The following CCNB1IP1 variants were observed in gnomAD, a reference collection of about 807,000 sequenced individuals.
CCNB1IP1 encodes E3 ubiquitin-protein ligase CCNB1IP1.
A neutral mutation model predicts 25.6 loss-of-function variants in CCNB1IP1; 14 were observed. The ratio of observed to expected loss-of-function variants is 0.55; its 90% CI spans 0.36 to 0.85. The LOEUF (loss-of-function observed/expected upper bound fraction) is 0.85. CCNB1IP1 is among the 40% of genes least tolerant of loss of function. CCNB1IP1 has a pLI of 0.01. For missense variants in CCNB1IP1, 278 were observed against 342.4 expected (o/e 0.81, Z 1.48); for synonymous variants, 119 against 116.1 (o/e 1.02, Z -0.16).
At chr14:20,324,869 G>A (rs983332863) in intron 4 of CCNB1IP1, among the ~76,000 whole-genome samples, 6 of 152,014 alleles carry the variant, frequency 3.9e-5, no homozygotes, top group African/African-American at 1.4e-4. Context: ...CACCCAGGCT[G>A]GAGTATAGTT....
At chr14:20,328,234 T>G (rs1474564206) in intron 2 of CCNB1IP1, among the ~76,000 whole-genome samples, 1 of 152,182 alleles carries the variant, frequency 6.6e-6, no homozygotes, top group Non-Finnish European at 1.5e-5. Flanking sequence ...GGATTTAAAT[T>G]CAATTCCATC....
chr14:20,315,691 A>G (rs1019599001), intron 5 of CCNB1IP1: 2 of 1,227,808 alleles, frequency 1.6e-6, no homozygotes, highest in African/African-American at 3.1e-5. Context: ...TAGCATTTTA[A>G]TAACTTGGAA....
In CCNB1IP1 at chr14:20,314,857, A is replaced by C. The variant is rs528670309; in HGVS notation, c.298-1056T>G. Among the ~76,000 whole-genome samples, 45 of 151,810 alleles carry C rather than the reference A, an allele frequency of 3.0e-4. 1 individual carries two copies. In the East Asian group the frequency reaches 7.7e-3, roughly 26 times the overall value. On this transcript the variant is annotated intron_variant, in intron 5 of 6. Coordinates refer to ENST00000358932, the MANE Select transcript of CCNB1IP1 (RefSeq NM_021178.5). The stretch of plus-strand genomic sequence containing the variant: ...CTGTAATCCCAGCACTTTGGGAGGC[A>C]GAGGTGGGCGGATCATGAGGTCAGG...
At chr14:20,311,947 G>C (rs1306854365) in intron 6 of CCNB1IP1, among the ~76,000 whole-genome samples, 195 bp from the exon 7 acceptor site, 1 of 151,882 alleles carries the variant, frequency 6.6e-6, no homozygotes, top group African/African-American at 2.4e-5. Flanking sequence ...AAACATTCTA[G>C]AAAAAATATA....
chr14:20,319,186 T>C (rs1882814202), intron 4 of CCNB1IP1: 1 of 152,210 alleles, frequency 6.6e-6, no homozygotes, highest in Non-Finnish European at 1.5e-5. Context: ...CAAACCATAA[T>C]ATCAAATCTT....
Position 20,313,808 on chromosome 14 carries a change from C to G in CCNB1IP1, c.298-7G>C. On this transcript the variant is annotated splice_polypyrimidine_tract_variant and splice_region_variant and intron_variant, in intron 5 of 6. Coordinates refer to ENST00000358932, the MANE Select transcript of CCNB1IP1 (RefSeq NM_021178.5). Reference sequence around the variant, plus strand: ...AGAGACGTTCCTGATGTACCTGGTTCCAAAAGAAAAAAGATTTTTAAGGTA... The same window carrying G: ...AGAGACGTTCCTGATGTACCTGGTTGCAAAAGAAAAAAGATTTTTAAGGTA... The G allele has an allele frequency of 6.5e-7, 1 of 1,528,928 alleles. No homozygotes were observed. Among genetic ancestry groups the G allele is most frequent in the Non-Finnish European group, 8.8e-7 (1 of 1,142,492 alleles). The allele number at this position is 1,528,928 out of a possible 1,614,324, so 94.7% of individuals were successfully genotyped here. A position where few individuals can be genotyped will look rare whatever the true frequency, so the allele number is the denominator to read the frequency against.
chr14:20,313,898 A>G, intron 5 of CCNB1IP1, 97 bp from the exon 6 acceptor site: 1 of 878,768 alleles, frequency 1.1e-6, no homozygotes, highest in East Asian at 2.7e-5. Flanking sequence ...AGATGCTTAT[A>G]TAGGGATGTT....
chr14:20,327,394 T>A (rs2138872029), intron 2 of CCNB1IP1, among the ~76,000 whole-genome samples: 1 of 152,098 alleles, frequency 6.6e-6, no homozygotes, highest in South Asian at 2.1e-4. Flanking sequence ...GTCAAAATAA[T>A]CTGAAGAAAA....
intron 4 of CCNB1IP1, among the ~76,000 whole-genome samples, chr14:20,324,236 G>C (rs545792534): frequency 4.6e-5 from 7 of 152,240 alleles, no homozygotes; most frequent in Admixed American, 3.9e-4. Flanking sequence ...ACCCAAGCTG[G>C]AGTGCAGTGG....
intron 1 of CCNB1IP1, among the ~76,000 whole-genome samples, chr14:20,330,344 AAGAG>A (rs1431090519): frequency 3.9e-5 from 6 of 152,130 alleles, no homozygotes; most frequent in Non-Finnish European, 5.9e-5. Flanking sequence ...AAAGGAGGAA[AAGAG>A]AGAGAGGGGC....
chr14:20,320,804 CAAA>C (rs11292210), intron 4 of CCNB1IP1, among the ~76,000 whole-genome samples: 12 of 99,688 alleles, frequency 1.2e-4, no homozygotes, highest in South Asian at 3.1e-4. Flanking sequence ...GACTCCGTCT[CAAA>C]AAAAAAAAAA....
rs560950659 is a variant in CCNB1IP1, at chr14:20,313,915, T to G, written c.298-114A>C. The G allele has an allele frequency of 1.3e-4, 97 of 757,520 alleles. No individual in the cohort carries two copies. In the African/African-American group the frequency reaches 1.4e-3, roughly 11 times the overall value. The allele number at this position is 757,520 out of a possible 1,614,324, so 46.9% of individuals were successfully genotyped here. On this transcript the variant is annotated intron_variant, in intron 5 of 6. Coordinates refer to ENST00000358932, the MANE Select transcript of CCNB1IP1 (RefSeq NM_021178.5). ...ATGCTTATATAGGGATGTTATTTTATCATTTAGAACCCAGTTTAAGAAGCA... is the reference window on the plus strand; with the variant it reads ...ATGCTTATATAGGGATGTTATTTTAGCATTTAGAACCCAGTTTAAGAAGCA...
At chr14:20,317,971 C>CCGGCTAAGAAT (rs1459527434) in intron 4 of CCNB1IP1, 3 of 152,250 alleles carry the variant, frequency 2.0e-5, no homozygotes, top group Non-Finnish European at 2.9e-5. Context: ...GGCCGCAGCT[C>CCGGCTAAGAAT]CGGCTAAGAA....
intron 5 of CCNB1IP1, chr14:20,315,975 T>A (rs952058710): frequency 3.8e-5 from 18 of 473,928 alleles, no homozygotes; most frequent in Non-Finnish European, 6.0e-5. Context: ...AGAGAGAGAG[T>A]GTGTGAGTGT....
At chr14:20,314,625 A>C (rs554778140) in intron 5 of CCNB1IP1, 2 of 152,332 alleles carry the variant, frequency 1.3e-5, no homozygotes, top group East Asian at 3.9e-4. Flanking sequence ...CATTAAACTT[A>C]AAAATCTCTG....
chr14:20,311,814 A>G, intron 6 of CCNB1IP1, 62 bp from the exon 7 acceptor site: 1 of 1,054,658 alleles, frequency 9.5e-7, no homozygotes, highest in Non-Finnish European at 1.4e-6. Flanking sequence ...AATCTACTTC[A>G]GAGGAATCAT....
chr14:20,311,707 C>G lies in CCNB1IP1; in HGVS notation c.677G>C (p.Arg226Pro). 6.2e-7 allele frequency: 1 copy of G among 1,613,930 alleles called. No homozygotes were observed. Among genetic ancestry groups the G allele is most frequent in the Non-Finnish European group, 8.5e-7 (1 of 1,180,010 alleles). ...FPLDNTPVRN[R>P]GDGDGDFQFR... ...CTGAAAATCTCCATCTCCATCGCCC[C>G]GATTTCGAACAGGTGTATTATCCAA... The change falls in exon 7 of 7, where the codon CGG (arginine) becomes CCG (proline). Residue 226 changes from arginine to proline, a missense_variant. Transcript: ENST00000358932.
chr14:20,324,564 C>T (rs1385085979), intron 4 of CCNB1IP1, among the ~76,000 whole-genome samples: 2 of 152,124 alleles, frequency 1.3e-5, no homozygotes, highest in Non-Finnish European at 2.9e-5. Flanking sequence ...GAAATATACG[C>T]ATGGATTCTG....
At chr14:20,331,716 T>TA (rs1566407722) in intron 1 of CCNB1IP1, among the ~76,000 whole-genome samples, 3 of 151,740 alleles carry the variant, frequency 2.0e-5, no homozygotes, top group Admixed American at 6.6e-5. Flanking sequence ...ATATATTTTT[T>TA]AAAAAAAATA....
Sources: allele counts gnomAD v4.1 joint callset (sites outside exome capture counted in the v4.1 genomes callset), GRCh38; gene constraint gnomAD v4.1.1; transcripts MANE v1.5; gene names NCBI Gene and HGNC (gene_info 2026-07-23, HGNC 2026-07-21).